HNF4A: variants seen among roughly 807,000 people sequenced by gnomAD.
The protein encoded by HNF4A is hepatocyte nuclear factor 4 alpha, also known as hepatocyte nuclear factor 4-alpha.
Under a neutral mutation model 52.4 loss-of-function variants are expected in HNF4A, and 15 were observed. That is an observed-to-expected ratio of 0.29 (90% confidence interval 0.19 to 0.44). HNF4A has a LOEUF of 0.44. Ranked by LOEUF, HNF4A falls within the 20% of genes least tolerant of loss-of-function variation. HNF4A has a pLI of 1.00. For missense variants in HNF4A, 479 were observed against 647.2 expected (o/e 0.74, Z 2.82); for synonymous variants, 280 against 264.4 (o/e 1.06, Z -0.57).
At chr20:44,410,080 G>T (rs142773928) in intron 3 of HNF4A, among the ~76,000 whole-genome samples, 2 of 152,142 alleles carry the variant, frequency 1.3e-5, no homozygotes, top group East Asian at 1.9e-4. Context: ...CAGGTGATCC[G>T]CCTCGGCCTC....
intron 5 of HNF4A, among the ~76,000 whole-genome samples, chr20:44,417,394 C>G (rs1461258585): frequency 1.3e-5 from 2 of 152,176 alleles, no homozygotes; most frequent in Non-Finnish European, 1.5e-5. Context: ...CCTTGTACCC[C>G]CTGCAGAGAA....
intron 1 of HNF4A, among the ~76,000 whole-genome samples, chr20:44,361,341 T>C (rs1243240163): frequency 6.6e-6 from 1 of 152,194 alleles, no homozygotes; most frequent in Non-Finnish European, 1.5e-5. Flanking sequence ...CTTTCTCCCA[T>C]TTAGTAAACA....
intron 1 of HNF4A, among the ~76,000 whole-genome samples, chr20:44,390,207 A>G (rs2063284427): frequency 2.0e-5 from 3 of 152,188 alleles, no homozygotes; most frequent in African/African-American, 7.2e-5. Context: ...TACAATGCCA[A>G]TAGGGGGATG....
At chr20:44,368,467 A>G (rs2062996887) in intron 1 of HNF4A, among the ~76,000 whole-genome samples, 1 of 151,766 alleles carries the variant, frequency 6.6e-6, no homozygotes, top group Non-Finnish European at 1.5e-5. Flanking sequence ...AGGCCCTGCC[A>G]GGAAGATGGG....
Position 44,419,866 on chromosome 20 carries a change from C to T in HNF4A, c.882C>T (p.Phe294=). The T allele has an allele frequency of 6.2e-7, 1 of 1,614,176 alleles. No homozygotes were observed. The highest frequency in any genetic ancestry group is 2.2e-5 in the East Asian group (1 of 44,878). The change falls in exon 7 of 10, where the codon TTC becomes TTT. Residue 294 remains phenylalanine (F), a synonymous_variant. Transcript: ENST00000316099. ...ATGCCTACCTCAAAGCCATCATCTTCTTTGACCCAGGTACAGTGCACACCT... is the reference window on the plus strand; with the variant it reads ...ATGCCTACCTCAAAGCCATCATCTTTTTTGACCCAGGTACAGTGCACACCT...
intron 1 of HNF4A, among the ~76,000 whole-genome samples, chr20:44,386,945 A>G (rs1032433825): frequency 6.6e-6 from 1 of 152,196 alleles, no homozygotes; most frequent in Non-Finnish European, 1.5e-5. Context: ...TTACATCACT[A>G]TCAGTTCCTC....
intron 2 of HNF4A, among the ~76,000 whole-genome samples, 179 bp from the exon 3 acceptor site, chr20:44,407,197 AGGACT>A (rs2063513192): frequency 6.6e-6 from 1 of 152,208 alleles, no homozygotes; most frequent in Non-Finnish European, 1.5e-5. Context: ...TTAGCAGGAC[AGGACT>A]GGGCTCTTAG....
intron 1 of HNF4A, chr20:44,391,394 G>A (rs2063300236): frequency 6.6e-6 from 1 of 152,632 alleles, no homozygotes; most frequent in Non-Finnish European, 1.5e-5. Context: ...TGGGATTTCT[G>A]AGTCCAGACA....
chr20:44,368,221 C>T (rs1429733201), intron 1 of HNF4A, among the ~76,000 whole-genome samples: 1 of 127,760 alleles, frequency 7.8e-6, no homozygotes, highest in Non-Finnish European at 1.6e-5. Context: ...GGCTGGAGTG[C>T]GGTGGTACCA....
At chr20:44,367,716 G>A (rs915164940) in intron 1 of HNF4A, among the ~76,000 whole-genome samples, 1 of 151,918 alleles carries the variant, frequency 6.6e-6, no homozygotes, top group African/African-American at 2.4e-5. Context: ...GGAGGCTGAG[G>A]CAAGAGGCTC....
In HNF4A at chr20:44,355,764, C is replaced by G. The variant is rs754788904; in HGVS notation, c.-41C>G. Reference sequence around the variant, plus strand: ...TGCTGCTGCTGTGAGCGGGCCCCTGCTCCTCCATGCCCCCAGCTCTCCGGC... The same window carrying G: ...TGCTGCTGCTGTGAGCGGGCCCCTGGTCCTCCATGCCCCCAGCTCTCCGGC... On this transcript the variant is annotated 5_prime_UTR_variant, in exon 1 of 10. Coordinates refer to the HNF4A transcript ENST00000316673. 4 of 1,603,182 alleles carry G rather than the reference C, an allele frequency of 2.5e-6. No individual in the cohort carries two copies. The African/African-American group carries it at 5.3e-5, about 21-fold the overall frequency.
At chr20:44,418,651 T>A (rs995980303) in intron 6 of HNF4A, 139 bp downstream of exon 6, 33 of 674,976 alleles carry the variant, frequency 4.9e-5, no homozygotes, top group Non-Finnish European at 7.6e-5. Context: ...CAGGCTTGCA[T>A]TAGAGGGCTC....
chr20:44,377,378 C>G (rs547069846), intron 1 of HNF4A, among the ~76,000 whole-genome samples: 1 of 152,080 alleles, frequency 6.6e-6, no homozygotes, highest in Non-Finnish European at 1.5e-5. Flanking sequence ...ACTGGAAACC[C>G]CAGCATCATG....
intron 3 of HNF4A, among the ~76,000 whole-genome samples, chr20:44,409,764 C>T (rs1040655981): frequency 6.6e-6 from 1 of 151,908 alleles, no homozygotes; most frequent in African/African-American, 2.4e-5. Context: ...CTATGAGTCT[C>T]GCTCCTCACT....
intron 1 of HNF4A, among the ~76,000 whole-genome samples, chr20:44,388,381 A>ACCCCCCCCCCCCCCCCCCCC (rs1227407354): frequency 3.9e-5 from 3 of 76,210 alleles, no homozygotes; most frequent in Non-Finnish European, 4.7e-5. Context: ...GACCCCCCCC[A>ACCCCCCCCCCCCCCCCCCCC]CCCCCGTACA....
intron 1 of HNF4A, among the ~76,000 whole-genome samples, chr20:44,387,565 A>G (rs1171501675): frequency 1.3e-5 from 2 of 149,566 alleles, no homozygotes; most frequent in Non-Finnish European, 3.0e-5. Flanking sequence ...GCCAATGTAC[A>G]TTTGTACAAG....
intron 1 of HNF4A, among the ~76,000 whole-genome samples, chr20:44,362,426 A>G (rs2062927433): frequency 6.6e-6 from 1 of 151,452 alleles, no homozygotes; most frequent in South Asian, 2.1e-4. Context: ...CTTAAAAAAA[A>G]AAAAAAAAAA....
chr20:44,393,563 G>A (rs1206007073), intron 1 of HNF4A, among the ~76,000 whole-genome samples: 1 of 152,164 alleles, frequency 6.6e-6, no homozygotes, highest in African/African-American at 2.4e-5. Context: ...TCAGCTGTGT[G>A]AGCATGGGTA....
At chr20:44,370,176 C>A (rs1352412561) in intron 1 of HNF4A, among the ~76,000 whole-genome samples, 1 of 152,148 alleles carries the variant, frequency 6.6e-6, no homozygotes, top group Non-Finnish European at 1.5e-5. Context: ...TACAGGCGCC[C>A]GCCACTGCGC....
Sources: gnomAD v4.1 joint callset for allele counts (sites outside exome capture counted in the v4.1 genomes callset) on GRCh38, gnomAD v4.1.1 for gene constraint, MANE v1.5 for transcripts, NCBI Gene and HGNC (gene_info 2026-07-23, HGNC 2026-07-21) for gene names.